CRPPA: variants seen among roughly 807,000 people sequenced by gnomAD.
The protein encoded by CRPPA is CDP-L-ribitol pyrophosphorylase A, also known as D-ribitol-5-phosphate cytidylyltransferase.
In CRPPA, 43 loss-of-function variants were observed where a neutral mutation model predicts 52.0. The observed-to-expected ratio is 0.83, with a 90% CI of 0.65 to 1.07. The LOEUF (loss-of-function observed/expected upper bound fraction) is 1.07, where lower values mean the gene tolerates loss of function less well. Ranked by LOEUF, CRPPA falls within the 50% of genes least tolerant of loss-of-function variation. The probability of loss-of-function intolerance (pLI) is 0.00; values close to 1 mark genes in which losing one functional copy is unlikely to be tolerated. For synonymous variants in CRPPA, 250 were observed against 203.5 expected, an observed-to-expected ratio of 1.23 and a Z score of -1.94; for missense variants, 629 against 551.7, an observed-to-expected ratio of 1.14 and a Z score of -1.40.
At chr7:16,155,854 T>C (rs146515288) in intron 9 of CRPPA, among the ~76,000 whole-genome samples, 213 of 152,194 alleles carry the variant, frequency 1.4e-3, no homozygotes, top group African/African-American at 4.6e-3. Context: ...ACTAGGCATG[T>C]ACAAAAGAAA....
At chr7:16,397,661 CTA>C (rs1338547214) in intron 2 of CRPPA, among the ~76,000 whole-genome samples, 1 of 151,760 alleles carries the variant, frequency 6.6e-6, no homozygotes, top group East Asian at 1.9e-4. Context: ...TGACATGTGA[CTA>C]AGACGTCACC....
intron 3 of CRPPA, among the ~76,000 whole-genome samples, chr7:16,353,587 C>T (rs537386630): frequency 5.9e-5 from 9 of 152,202 alleles, no homozygotes; most frequent in East Asian, 1.9e-4. Context: ...TGGTGGCTCA[C>T]GCCTGTAATC....
chr7:16,241,422 G>T (rs1172379232), intron 8 of CRPPA, among the ~76,000 whole-genome samples: 1 of 151,884 alleles, frequency 6.6e-6, no homozygotes, highest in Non-Finnish European at 1.5e-5. Context: ...TAAAATCATT[G>T]TATATACAAG....
At chr7:16,273,308 C>T (rs1441795645) in intron 6 of CRPPA, among the ~76,000 whole-genome samples, 1 of 151,996 alleles carries the variant, frequency 6.6e-6, no homozygotes, top group Non-Finnish European at 1.5e-5. Flanking sequence ...GCTCTCCCTG[C>T]CTCCCATCTT....
intron 9 of CRPPA, among the ~76,000 whole-genome samples, chr7:16,161,765 A>T (rs1780895161): frequency 6.6e-6 from 1 of 152,176 alleles, no homozygotes; most frequent in African/African-American, 2.4e-5. Context: ...GAATGGTACC[A>T]GCTCCTATTT....
chr7:16,103,346 C>G (rs1782087384), intron 9 of CRPPA, among the ~76,000 whole-genome samples: 1 of 151,990 alleles, frequency 6.6e-6, no homozygotes, highest in Admixed American at 6.6e-5. Context: ...GGAGAAATAC[C>G]TAATATAGAT....
intron 8 of CRPPA, among the ~76,000 whole-genome samples, chr7:16,241,989 C>T (rs772668727): frequency 2.2e-4 from 26 of 115,708 alleles, no homozygotes; most frequent in African/African-American, 5.0e-4. Flanking sequence ...GATAGAGTCT[C>T]GCTCTGTCAC....
At chr7:16,330,671 G>C (rs1451576014) in intron 3 of CRPPA, among the ~76,000 whole-genome samples, 2 of 152,178 alleles carry the variant, frequency 1.3e-5, no homozygotes, top group Non-Finnish European at 2.9e-5. Context: ...CCAGGAGCTT[G>C]ATCAGGTTCT....
chr7:16,124,107 C>CTTTTT lies in CRPPA; in HGVS notation c.1252-32313_1252-32309dup, dbSNP rs35595388. ...TGGATCATATAGGCTCAATTTCTTT[C>CTTTTT]TTTTTTTATTTTTTTTTTGAGGAAC... On this transcript the variant is annotated intron_variant, in intron 9 of 9. Coordinates refer to ENST00000407010, the MANE Select transcript of CRPPA (RefSeq NM_001101426.4). Among the ~76,000 whole-genome samples, 122 of 133,426 alleles carry CTTTTT rather than the reference C, an allele frequency of 9.1e-4. 4 individuals are homozygous for CTTTTT. The highest frequency in any genetic ancestry group is 1.1e-3 in the African/African-American group (40 of 36,194). The allele number at this position is 133,426 out of a possible 152,430, so 87.5% of individuals were successfully genotyped here. A position where few individuals can be genotyped will look rare whatever the true frequency, so the allele number is the denominator to read the frequency against.
chr7:16,136,207 A>AC (rs1360193630), intron 9 of CRPPA, among the ~76,000 whole-genome samples: 1 of 152,232 alleles, frequency 6.6e-6, no homozygotes, highest in Non-Finnish European at 1.5e-5. Flanking sequence ...ATCAAGTATT[A>AC]CATCTTTTAC....
At chr7:16,176,398 T>C (rs924685272) in intron 9 of CRPPA, among the ~76,000 whole-genome samples, 3 of 152,054 alleles carry the variant, frequency 2.0e-5, no homozygotes, top group African/African-American at 7.2e-5. Context: ...GCTACATAGA[T>C]AGCAAACAAG....
At chr7:16,212,097 T>G (rs1336690531) in intron 9 of CRPPA, among the ~76,000 whole-genome samples, 2 of 152,190 alleles carry the variant, frequency 1.3e-5, no homozygotes, top group Non-Finnish European at 2.9e-5. Context: ...CTTTGGTAAC[T>G]TTCTTATTTG....
At chr7:16,240,933 T>A (rs1247175947) in intron 8 of CRPPA, among the ~76,000 whole-genome samples, 1 of 152,190 alleles carries the variant, frequency 6.6e-6, no homozygotes, top group Non-Finnish European at 1.5e-5. Context: ...TCACTATGTT[T>A]TTTAAATTGT....
chr7:16,116,252 T>C (rs1782368228), intron 9 of CRPPA, among the ~76,000 whole-genome samples: 1 of 152,148 alleles, frequency 6.6e-6, no homozygotes, highest in African/African-American at 2.4e-5. Context: ...TAACACTAAT[T>C]CAGTGGTATT....
chr7:16,196,602 C>T (rs1781741053), intron 9 of CRPPA, among the ~76,000 whole-genome samples: 1 of 152,080 alleles, frequency 6.6e-6, no homozygotes, highest in African/African-American at 2.4e-5. Flanking sequence ...AATTCAAAGA[C>T]AAACAATGTC....
chr7:16,344,405 CAAAAAAA>C (rs35320924), intron 3 of CRPPA, among the ~76,000 whole-genome samples: 16 of 99,374 alleles, frequency 1.6e-4, no homozygotes, highest in African/African-American at 4.9e-4. Context: ...TATCTCTACC[CAAAAAAA>C]AAAAAAAAAA....
At chr7:16,376,007 A>G (rs1786870665) in intron 3 of CRPPA, 85 bp downstream of exon 3, 1 of 1,321,878 alleles carries the variant, frequency 7.6e-7, no homozygotes. Context: ...GCTCAGTCCC[A>G]TCAGTTCTGG....
chr7:16,304,323 GA>G lies in CRPPA; in HGVS notation c.790-2858del, dbSNP rs773722876. On this transcript the variant is annotated intron_variant, in intron 4 of 9. Coordinates refer to ENST00000407010, the MANE Select transcript of CRPPA (RefSeq NM_001101426.4). ...TTCTACCCTGCATGGTGTGTTGAAAGAAAAAAAAAACTGATATTATCTCCAG... is the reference window on the plus strand; with the variant it reads ...TTCTACCCTGCATGGTGTGTTGAAAGAAAAAAAAACTGATATTATCTCCAG... Among the ~76,000 whole-genome samples the G allele has an allele frequency of 1.7e-4, 25 of 148,688 alleles. 1 individual carries two copies. Among genetic ancestry groups the G allele is most frequent in the Middle Eastern group, 3.4e-3 (1 of 292 alleles).
At chr7:16,414,061 T>A (rs1236386143) in intron 1 of CRPPA, among the ~76,000 whole-genome samples, 1 of 152,146 alleles carries the variant, frequency 6.6e-6, no homozygotes, top group Non-Finnish European at 1.5e-5. Context: ...CTGTAGAAGA[T>A]TTATAGGGGA....
Sources: allele counts gnomAD v4.1 joint callset (sites outside exome capture counted in the v4.1 genomes callset), GRCh38; gene constraint gnomAD v4.1.1; transcripts MANE v1.5; gene names NCBI Gene and HGNC (gene_info 2026-07-23, HGNC 2026-07-21).